The following ZNF385B variants were observed in gnomAD, a reference collection of about 807,000 sequenced individuals.
ZNF385B encodes zinc finger protein 385B.
Under a neutral mutation model 39.2 loss-of-function variants are expected in ZNF385B, and 23 were observed. That is an observed-to-expected ratio of 0.59 (90% CI 0.42 to 0.83). The LOEUF (loss-of-function observed/expected upper bound fraction) is 0.83, where lower values mean the gene tolerates loss of function less well. ZNF385B is among the 40% of genes least tolerant of loss of function. The pLI, the probability that ZNF385B is intolerant of heterozygous loss-of-function variation, is 0.00. For synonymous variants in ZNF385B, 205 were observed against 222.6 expected (o/e 0.92, Z 0.70); for missense variants, 552 against 598.9 (o/e 0.92, Z 0.82).
At chr2:179,467,851 C>T (rs1189736749) in intron 6 of ZNF385B, among the ~76,000 whole-genome samples, 42 of 151,930 alleles carry the variant, frequency 2.8e-4, no homozygotes, top group Admixed American at 2.7e-3. Context: ...TTTTAAGTAA[C>T]TTAGGACCCA....
chr2:179,671,837 C>T (rs1242274075), intron 3 of ZNF385B, among the ~76,000 whole-genome samples: 1 of 152,208 alleles, frequency 6.6e-6, no homozygotes, highest in Non-Finnish European at 1.5e-5. Context: ...ATTTGGATGC[C>T]CTGGAGGACT....
In ZNF385B at chr2:179,442,561, T is replaced by C. The variant is rs2049063271; in HGVS notation, c.*689A>G. 6.5e-6 allele frequency: 1 copy of C among 152,686 alleles called. No homozygotes were observed. The highest frequency in any genetic ancestry group is 1.5e-5 in the Non-Finnish European group (1 of 68,056). The allele number at this position is 152,686 out of a possible 1,614,324, so 9.5% of individuals were successfully genotyped here. On this transcript the variant is annotated 3_prime_UTR_variant, in exon 10 of 10. Transcript: ENST00000410066. ...GAAATAAAGAAAATACATTATTTTA[T>C]CTTTTATTCTCTTACAGAGAAAATT...
chr2:179,618,525 T>C (rs768555959), intron 3 of ZNF385B, among the ~76,000 whole-genome samples: 27 of 152,200 alleles, frequency 1.8e-4, no homozygotes, highest in Non-Finnish European at 3.4e-4. Context: ...CTTATCTCAT[T>C]TTCTCCTATT....
At chr2:179,733,547 C>T (rs763832749) in intron 3 of ZNF385B, among the ~76,000 whole-genome samples, 18 of 152,244 alleles carry the variant, frequency 1.2e-4, no homozygotes, top group Non-Finnish European at 1.6e-4. Context: ...CTTTGGGAGG[C>T]CGAGGCGGGC....
At chr2:179,455,911 CT>C (rs2050655000) in intron 6 of ZNF385B, among the ~76,000 whole-genome samples, 1 of 150,646 alleles carries the variant, frequency 6.6e-6, no homozygotes, top group South Asian at 2.1e-4. Flanking sequence ...ATTATCCAGT[CT>C]CGGGTATGTC....
At chr2:179,657,791 A>C (rs942533958) in intron 3 of ZNF385B, among the ~76,000 whole-genome samples, 3 of 152,212 alleles carry the variant, frequency 2.0e-5, no homozygotes, top group African/African-American at 7.2e-5. Flanking sequence ...GACACTTTAT[A>C]AATATTACCT....
At chr2:179,522,192 C>A (rs779168748) in intron 4 of ZNF385B, among the ~76,000 whole-genome samples, 1 of 152,020 alleles carries the variant, frequency 6.6e-6, no homozygotes, top group Admixed American at 6.5e-5. Flanking sequence ...TCAATGGGAT[C>A]CAAATGTGAC....
chr2:179,636,314 G>A (rs1331907429), intron 3 of ZNF385B, among the ~76,000 whole-genome samples: 2 of 152,144 alleles, frequency 1.3e-5, no homozygotes, highest in East Asian at 3.9e-4. Context: ...GTAGAATCTA[G>A]AAGCCATTCC....
At chr2:179,569,885 C>T (rs1685017438) in intron 3 of ZNF385B, among the ~76,000 whole-genome samples, 1 of 152,116 alleles carries the variant, frequency 6.6e-6, no homozygotes, top group Non-Finnish European at 1.5e-5. Flanking sequence ...GAGTATCTGT[C>T]TTATGAAATG....
At chr2:179,631,197 C>G (rs971438747) in intron 3 of ZNF385B, among the ~76,000 whole-genome samples, 1 of 152,114 alleles carries the variant, frequency 6.6e-6, no homozygotes, top group Non-Finnish European at 1.5e-5. Flanking sequence ...TCGACACGAG[C>G]AACCACAGGA....
chr2:179,536,553 A>AT (rs1312381017), intron 4 of ZNF385B: 28 of 152,218 alleles, frequency 1.8e-4, no homozygotes, highest in Admixed American at 1.8e-3. Context: ...CTTTTACCTC[A>AT]TAAAGGACCA....
At chr2:179,639,393 C>G (rs542901777) in intron 3 of ZNF385B, among the ~76,000 whole-genome samples, 1 of 151,998 alleles carries the variant, frequency 6.6e-6, no homozygotes, top group Non-Finnish European at 1.5e-5. Context: ...CTTGAAATTG[C>G]TAAAGGAGTA....
chr2:179,764,987 A>G (rs1364173816), intron 3 of ZNF385B, among the ~76,000 whole-genome samples: 4 of 152,170 alleles, frequency 2.6e-5, no homozygotes, highest in African/African-American at 9.7e-5. Context: ...CTAGAACTAT[A>G]CCATCAATTC....
At chr2:179,667,869 C>T (rs765079409) in intron 3 of ZNF385B, among the ~76,000 whole-genome samples, 2 of 152,122 alleles carry the variant, frequency 1.3e-5, no homozygotes, top group Non-Finnish European at 2.9e-5. Context: ...TATTTAAGTC[C>T]CAGCCAGCTA....
chr2:179,588,724 A>G lies in ZNF385B; in HGVS notation c.299-43755T>C, dbSNP rs182289769. Reference sequence around the variant, plus strand: ...CTGAGGTCAGCCTGCCTAGTGACTGAAGATTCTTTTCTTTTCCATCTTCAA... The same window carrying G: ...CTGAGGTCAGCCTGCCTAGTGACTGGAGATTCTTTTCTTTTCCATCTTCAA... On this transcript the variant is annotated intron_variant, in intron 3 of 9. Transcript: ENST00000410066. Among the ~76,000 whole-genome samples, 256 of 152,246 alleles carry G rather than the reference A, an allele frequency of 1.7e-3. 1 individual carries two copies. The highest frequency in any genetic ancestry group is 5.8e-3 in the African/African-American group (242 of 41,550).
chr2:179,458,859 A>C (rs1278593134), intron 6 of ZNF385B, among the ~76,000 whole-genome samples: 1 of 152,206 alleles, frequency 6.6e-6, no homozygotes, highest in Non-Finnish European at 1.5e-5. Flanking sequence ...GCCTGAATTC[A>C]AAGTCACCTC....
chr2:179,851,157 G>A (rs1415763594), intron 1 of ZNF385B, among the ~76,000 whole-genome samples: 2 of 152,172 alleles, frequency 1.3e-5, no homozygotes, highest in Non-Finnish European at 2.9e-5. Context: ...TACAGCTAAA[G>A]AAAGAAGTTG....
chr2:179,520,600 A>C (rs954660920), intron 4 of ZNF385B, among the ~76,000 whole-genome samples: 3 of 152,212 alleles, frequency 2.0e-5, no homozygotes, highest in Admixed American at 2.0e-4. Flanking sequence ...AGACATGGCG[A>C]ATCAGTTTAT....
At chr2:179,846,548 T>C (rs1265703389) in intron 1 of ZNF385B, among the ~76,000 whole-genome samples, 1 of 152,206 alleles carries the variant, frequency 6.6e-6, no homozygotes, top group Non-Finnish European at 1.5e-5. Context: ...TTATTTCACA[T>C]ACCAAGTCCA....
Sources: gnomAD v4.1 joint callset for allele counts (sites outside exome capture counted in the v4.1 genomes callset) on GRCh38, gnomAD v4.1.1 for gene constraint, MANE v1.5 for transcripts, NCBI Gene and HGNC (gene_info 2026-07-23, HGNC 2026-07-21) for gene names.